The following RAB11FIP5 variants were observed in gnomAD, a reference collection of about 807,000 sequenced individuals.
RAB11FIP5 encodes RAB11 family interacting protein 5.
A neutral mutation model predicts 85.1 loss-of-function variants in RAB11FIP5; 48 were observed. The ratio of observed to expected loss-of-function variants is 0.56; its 90% CI spans 0.45 to 0.72. RAB11FIP5 has a LOEUF of 0.72. Among genes scored for constraint, RAB11FIP5 ranks in the 30% least tolerant of loss-of-function variants. The pLI is 0.00. For synonymous variants in RAB11FIP5, 729 were observed against 727.3 expected, an observed-to-expected ratio of 1.00 and a Z score of -0.04; for missense variants, 1,491 against 1,687.0, an observed-to-expected ratio of 0.88 and a Z score of 2.04.
At chr2:73,095,122 ATC>A (rs762476987) in intron 1 of RAB11FIP5, among the ~76,000 whole-genome samples, 1 of 152,108 alleles carries the variant, frequency 6.6e-6, no homozygotes, top group African/African-American at 2.4e-5. Context: ...CCTTGACTTC[ATC>A]TCTCTGTCAG....
rs542589409 is a variant in RAB11FIP5, at chr2:73,073,972, G to A, written c.*1549C>T. 6.6e-6 allele frequency: 1 copy of A among 152,304 alleles called. No homozygotes were observed. The highest frequency in any genetic ancestry group is 1.9e-4 in the East Asian group (1 of 5,174). The allele number at this position is 152,304 out of a possible 1,614,324, so 9.4% of individuals were successfully genotyped here. On this transcript the variant is annotated 3_prime_UTR_variant, in exon 6 of 6. Transcript: ENST00000486777. ...AGAGGAGCTCTTGCCTCCTCACTAA[G>A]CTGTTAAGTATCCTTCTTCAGCACC...
chr2:73,106,901 C>A (rs1239340931), intron 1 of RAB11FIP5, among the ~76,000 whole-genome samples: 1 of 152,108 alleles, frequency 6.6e-6, no homozygotes, highest in African/African-American at 2.4e-5. Context: ...TGTGATACCC[C>A]CTCCCCACCC....
intron 4 of RAB11FIP5, 95 bp from the exon 5 acceptor site, chr2:73,076,277 G>GGCTTTCTGTCC: frequency 8.2e-7 from 1 of 1,226,338 alleles, no homozygotes; most frequent in Non-Finnish European, 1.2e-6. Flanking sequence ...AGGTCTGCTG[G>GGCTTTCTGTCC]ACAGAAAGCC....
chr2:73,092,995 C>A (rs1341543337), intron 1 of RAB11FIP5, among the ~76,000 whole-genome samples: 1 of 152,326 alleles, frequency 6.6e-6, no homozygotes, highest in South Asian at 2.1e-4. Context: ...CATCCTCCCC[C>A]TCCCTAGAGG....
rs1217879970 is a variant in RAB11FIP5 at position 73,078,618 on chromosome 2, T to G, written c.3581+1033A>C. Among the ~76,000 whole-genome samples, 1 of 152,190 alleles carries G rather than the reference T, an allele frequency of 6.6e-6. No homozygotes were observed. Among genetic ancestry groups the G allele is most frequent in the Non-Finnish European group, 1.5e-5 (1 of 68,022 alleles). ...TTTATCTTCCCCAGTGGATTGGACA[T>G]TCCTTGGGAACAGAGTGGAGACAGT... is the stretch of plus-strand genomic sequence containing the variant. On this transcript the variant is annotated intron_variant, in intron 4 of 5. Transcript: ENST00000486777. This position sits in a 1 kb window ranked among gnomAD's most constrained non-coding sequence, Gnocchi z 4.4.
intron 1 of RAB11FIP5, among the ~76,000 whole-genome samples, chr2:73,094,112 CTT>C (rs1207355424): frequency 1.1e-3 from 128 of 118,278 alleles, no homozygotes; most frequent in African/African-American, 4.2e-3. Flanking sequence ...CAGAGTGAGA[CTT>C]TGTCTCAAAA....
chr2:73,087,578 A>G (rs376514272), intron 3 of RAB11FIP5, among the ~76,000 whole-genome samples: 11 of 152,282 alleles, frequency 7.2e-5, no homozygotes, highest in African/African-American at 2.6e-4. Context: ...CGTCTCCCAG[A>G]GGGAAGTGAT....
rs1325742055 is a variant in RAB11FIP5 at position 73,112,355 on chromosome 2, C to T, written c.423G>A (p.Gln141=). ...LDEVFGAGRA[Q]HTQWYKLHSK... Reference sequence around the variant, plus strand: ...CCGCGCCCCCTACTCACTGCGTGTGCTGGGCGCGGCCTGCGCCGAAGACCT... The same window carrying T: ...CCGCGCCCCCTACTCACTGCGTGTGTTGGGCGCGGCCTGCGCCGAAGACCT... Residue 141 remains glutamine (Q), a synonymous_variant, in exon 1 of 6, where the codon CAG becomes CAA. Transcript: ENST00000486777. 1 of 1,584,612 alleles carries T rather than the reference C, an allele frequency of 6.3e-7. No individual in the cohort carries two copies.
chr2:73,100,827 C>A (rs1398593017), intron 1 of RAB11FIP5, among the ~76,000 whole-genome samples: 3 of 148,126 alleles, frequency 2.0e-5, no homozygotes, highest in African/African-American at 5.0e-5. Flanking sequence ...TGTTTTGAGA[C>A]GGAGTCTCGT....
At chr2:73,079,424 T>C (rs1426827116) in intron 4 of RAB11FIP5, among the ~76,000 whole-genome samples, 1 of 152,172 alleles carries the variant, frequency 6.6e-6, no homozygotes, top group African/African-American at 2.4e-5. Context: ...CCCTGGCTTG[T>C]GGGGGGCTGC....
At position 73,088,584 on chromosome 2, in the gene RAB11FIP5, T is replaced by C. The variant is rs1265739182; in HGVS notation, c.1034A>G (p.Asn345Ser). Residue 345 changes from asparagine (N) to serine (S), a missense_variant, in exon 3 of 6, where the codon AAT becomes AGT. Around this residue, in one of 3 missense-constraint regions of RAB11FIP5, gnomAD observed 1,211 missense variants for 1,338.0 expected, o/e 0.91. Coordinates refer to ENST00000486777, the MANE Select transcript of RAB11FIP5 (RefSeq NM_001371272.1). ...CCGCACAGGGCCCTGGGGCTCCTCA[T>C]TGTAAATGTGGCTCCCATTGACACA... is the stretch of plus-strand genomic sequence containing the variant. The part of the protein sequence containing the change: ...SLCVNGSHIY[N>S]EEPQGPVRHR... 2 of 1,613,722 alleles carry C rather than the reference T, an allele frequency of 1.2e-6. No homozygotes were observed. Among genetic ancestry groups the C allele is most frequent in the Admixed American group, 1.7e-5 (1 of 60,034 alleles).
At chr2:73,106,312 T>G (rs972049243) in intron 1 of RAB11FIP5, among the ~76,000 whole-genome samples, 3 of 152,148 alleles carry the variant, frequency 2.0e-5, no homozygotes, top group Admixed American at 2.0e-4. Flanking sequence ...GCAGATGGGT[T>G]CCATGATGGC....
chr2:73,094,165 G>A (rs1026190736), intron 1 of RAB11FIP5, among the ~76,000 whole-genome samples: 10 of 149,860 alleles, frequency 6.7e-5, no homozygotes, highest in African/African-American at 2.5e-4. Context: ...AACTTCCCAA[G>A]TCTGGCTGTG....
chr2:73,079,754 G>T lies in RAB11FIP5; in HGVS notation c.3478C>A (p.Pro1160Thr). The change falls in exon 4 of 6, where the codon CCT (proline) becomes ACT (threonine). Residue 1160 changes from proline to threonine, a missense_variant. Around this residue, in one of 3 missense-constraint regions of RAB11FIP5, gnomAD observed 232 missense variants for 259.1 expected, o/e 0.90. Coordinates refer to ENST00000486777, the MANE Select transcript of RAB11FIP5 (RefSeq NM_001371272.1). ...GCGAGGTCCTCCCTAAGTAGGGCAG[G>T]GGAGCCCCCAGGTGGGGAGGGCTCA... ...PHEPSPPGGS[P>T]ALLREDLAAA... 8.1e-7 allele frequency: 1 copy of T among 1,232,630 alleles called. No homozygotes were observed. Among genetic ancestry groups the T allele is most frequent in the Non-Finnish European group, 1.0e-6 (1 of 988,330 alleles). The allele number at this position is 1,232,630 out of a possible 1,614,324, so 76.4% of individuals were successfully genotyped here.
chr2:73,105,240 CTTT>C (rs1005396339), intron 1 of RAB11FIP5, among the ~76,000 whole-genome samples: 1 of 152,028 alleles, frequency 6.6e-6, no homozygotes, highest in East Asian at 1.9e-4. Flanking sequence ...CACTCCACTC[CTTT>C]TTTTATTTTT....
intron 1 of RAB11FIP5, among the ~76,000 whole-genome samples, chr2:73,094,945 G>A (rs971120613): frequency 6.6e-6 from 1 of 151,798 alleles, no homozygotes; most frequent in Non-Finnish European, 1.5e-5. Context: ...AACCACTGGA[G>A]AAACAACACT....
At position 73,081,031 on chromosome 2, in the gene RAB11FIP5, C is replaced by T. The variant is rs1426806665; in HGVS notation, c.2201G>A (p.Ser734Asn). The change falls in exon 4 of 6, where the codon AGC (serine) becomes AAC (asparagine). Residue 734 changes from serine to asparagine, a missense_variant. Ser to Asn is a conservative substitution (Grantham distance 46). This residue lies in a region of RAB11FIP5 where 1,211 missense variants were observed against 1,338.0 expected (regional missense o/e 0.91). Transcript: ENST00000486777. The surrounding 1 kb of genome is among the most constrained non-coding windows in gnomAD (Gnocchi z 4.2). The stretch of plus-strand genomic sequence containing the variant: ...GAGCCCTGGGTCAGCCGCGCTCGCG[C>T]TCTGGTGGTTCGGTCCCAAGTCCAG... ...VPLDLGPNHQSASAADPGLLG... is the reference protein window; with the variant it reads ...VPLDLGPNHQNASAADPGLLG... 2 of 1,232,582 alleles carry T rather than the reference C, an allele frequency of 1.6e-6. No individual in the cohort carries two copies. The highest frequency in any genetic ancestry group is 6.3e-5 in the East Asian group (2 of 31,698). The allele number at this position is 1,232,582 out of a possible 1,614,324, so 76.4% of individuals were successfully genotyped here. A position where few individuals can be genotyped will look rare whatever the true frequency, so the allele number is the denominator to read the frequency against.
intron 1 of RAB11FIP5, among the ~76,000 whole-genome samples, chr2:73,109,255 T>C (rs1684596170): frequency 1.3e-5 from 2 of 152,166 alleles, no homozygotes. Flanking sequence ...AAATTCCTCA[T>C]TTCAAAGACT....
At chr2:73,098,592 C>G (rs2106118720) in intron 1 of RAB11FIP5, among the ~76,000 whole-genome samples, 1 of 152,326 alleles carries the variant, frequency 6.6e-6, no homozygotes, top group Middle Eastern at 3.4e-3. Context: ...CTCAGGCTCC[C>G]TGCCTCCAGA....
Sources: gnomAD v4.1 joint callset for allele counts (sites outside exome capture counted in the v4.1 genomes callset) on GRCh38, gnomAD v4.1.1 for gene constraint, gnomAD v4.1.1 regional missense constraint, Gnocchi (gnomAD v3.1) non-coding constraint, MANE v1.5 for transcripts, NCBI Gene and HGNC (gene_info 2026-07-23, HGNC 2026-07-21) for gene names.